ZDHHC7: variants seen among roughly 807,000 people sequenced by gnomAD.
ZDHHC7 encodes the protein palmitoyltransferase ZDHHC7.
In ZDHHC7, 12 loss-of-function variants were observed where a neutral mutation model predicts 34.1. That is an observed-to-expected ratio of 0.35 (90% CI 0.23 to 0.57). ZDHHC7 has a LOEUF of 0.57. Among genes scored for constraint, ZDHHC7 ranks in the 20% least tolerant of loss-of-function variants. ZDHHC7 has a pLI of 0.84. For missense variants in ZDHHC7, 388 were observed against 402.7 expected (o/e 0.96, Z 0.31); for synonymous variants, 185 against 155.4 (o/e 1.19, Z -1.42).
At chr16:84,994,666 C>T (rs1044728970) in intron 2 of ZDHHC7, among the ~76,000 whole-genome samples, 1 of 152,118 alleles carries the variant, frequency 6.6e-6, no homozygotes, top group Non-Finnish European at 1.5e-5. Context: ...ATGGCAGGCA[C>T]AGCTGTGTAA....
chr16:84,981,198 G>T (rs752595294), intron 4 of ZDHHC7, among the ~76,000 whole-genome samples: 3 of 152,196 alleles, frequency 2.0e-5, no homozygotes, highest in Non-Finnish European at 4.4e-5. Context: ...TGGCAAATGT[G>T]GGGGAAGAGG....
chr16:85,005,427 G>A (rs1008488496), intron 1 of ZDHHC7, among the ~76,000 whole-genome samples: 1 of 152,192 alleles, frequency 6.6e-6, no homozygotes, highest in Non-Finnish European at 1.5e-5. Flanking sequence ...TTTGTCAGGA[G>A]ATTTACACAC....
chr16:84,976,227 T>C lies in ZDHHC7; in HGVS notation c.*116A>G, dbSNP rs373790690. On this transcript the variant is annotated 3_prime_UTR_variant, in exon 8 of 8. Transcript: ENST00000313732. ...ATAAAACTCTGCTTGCTGCAAGCAA[T>C]TGGTTTGTGTAGGTTCCAGTTGCCC... 2.3e-6 allele frequency: 3 copies of C among 1,297,920 alleles called. No individual in the cohort carries two copies. Among genetic ancestry groups the C allele is most frequent in the South Asian group, 1.3e-5 (1 of 74,200 alleles). The allele number at this position is 1,297,920 out of a possible 1,614,324, so 80.4% of individuals were successfully genotyped here. A position where few individuals can be genotyped will look rare whatever the true frequency, so the allele number is the denominator to read the frequency against.
chr16:84,977,741 G>A (rs942700710), intron 6 of ZDHHC7, among the ~76,000 whole-genome samples, 183 bp downstream of exon 6: 3 of 152,146 alleles, frequency 2.0e-5, no homozygotes, highest in African/African-American at 4.8e-5. Context: ...CAAGCTTTTG[G>A]GGCAACAATA....
Position 84,981,890 on chromosome 16 carries a change from G to A in ZDHHC7, c.420C>T (p.Pro140=), listed in dbSNP as rs758626061. 2.0e-5 allele frequency: 32 copies of A among 1,613,994 alleles called. 1 individual carries two copies. The highest frequency in any genetic ancestry group is 1.6e-4 in the East Asian group (7 of 44,890). The part of the protein sequence containing the change: ...YKCPKCCCIK[P]ERAHHCSICK... ...CGTACCTGCAGTGGTGGGCGCGCTC[G>A]GGTTTAATACAGCAGCACTTGGGGC... is the stretch of plus-strand genomic sequence containing the variant. Residue 140 remains proline, a synonymous_variant, in exon 4 of 8, where the codon CCC becomes CCT. Coordinates refer to ENST00000313732, the MANE Select transcript of ZDHHC7 (RefSeq NM_017740.3).
intron 3 of ZDHHC7, among the ~76,000 whole-genome samples, chr16:84,987,483 T>C (rs2072452034): frequency 6.6e-6 from 1 of 151,840 alleles, no homozygotes; most frequent in African/African-American, 2.4e-5. Context: ...CCCCACAAGA[T>C]TTTTTTTCCA....
At chr16:85,004,373 C>T (rs1297368802) in intron 1 of ZDHHC7, among the ~76,000 whole-genome samples, 1 of 150,406 alleles carries the variant, frequency 6.6e-6, no homozygotes, top group Non-Finnish European at 1.5e-5. Flanking sequence ...AGATCACCTG[C>T]TGACCAGTCC....
chr16:85,013,762 C>A (rs887491656), upstream of ZDHHC7, among the ~76,000 whole-genome samples: 4 of 152,068 alleles, frequency 2.6e-5, no homozygotes, highest in South Asian at 2.1e-4. Context: ...GATCTCAGCT[C>A]GCTGCAACCT....
intron 2 of ZDHHC7, among the ~76,000 whole-genome samples, chr16:84,992,670 C>T (rs989925042): frequency 3.3e-5 from 5 of 152,100 alleles, no homozygotes; most frequent in Admixed American, 2.6e-4. Context: ...CGAACTGACC[C>T]GGGCACCTTC....
intron 5 of ZDHHC7, among the ~76,000 whole-genome samples, chr16:84,978,552 A>G (rs1363307494): frequency 1.3e-5 from 2 of 151,256 alleles, no homozygotes; most frequent in Non-Finnish European, 2.9e-5. Flanking sequence ...TGGGCAACAC[A>G]GCAAAACCCC....
chr16:84,977,253 C>A, intron 6 of ZDHHC7, 28 bp from the exon 7 acceptor site: 3 of 1,612,812 alleles, frequency 1.9e-6, no homozygotes, highest in Non-Finnish European at 8.5e-7. Context: ...TTGGTTATAA[C>A]TGGTCCTGAA....
At chr16:85,019,682 C>A in the ZDHHC7 span, among the ~76,000 whole-genome samples, 1 of 152,172 alleles carries the variant, frequency 6.6e-6, no homozygotes, top group Non-Finnish European at 1.5e-5. Context: ...TGTGCCTCTA[C>A]ACACCAGCCT....
the ZDHHC7 span, among the ~76,000 whole-genome samples, chr16:85,022,313 G>C: frequency 6.6e-6 from 1 of 152,030 alleles, no homozygotes; most frequent in Non-Finnish European, 1.5e-5. Context: ...TTGGGGTCAG[G>C]AGTTCGAGAC....
chr16:85,000,260 TGC>T (rs2072636570), intron 1 of ZDHHC7, among the ~76,000 whole-genome samples: 1 of 152,070 alleles, frequency 6.6e-6, no homozygotes, highest in African/African-American at 2.4e-5. Flanking sequence ...AGTGCAAGGG[TGC>T]GGCACAAGGC....
intron 1 of ZDHHC7, among the ~76,000 whole-genome samples, chr16:85,000,715 T>G (rs2143710373): frequency 6.6e-6 from 1 of 152,246 alleles, no homozygotes; most frequent in South Asian, 2.1e-4. Flanking sequence ...TCCACTCAAT[T>G]CAAACATCAG....
At chr16:85,019,452 C>T in the ZDHHC7 span, among the ~76,000 whole-genome samples, 1 of 152,170 alleles carries the variant, frequency 6.6e-6, no homozygotes, top group Non-Finnish European at 1.5e-5. Context: ...TACGGTGGCT[C>T]AGGTCTGTAA....
chr16:85,010,168 T>C (rs2072772062), intron 1 of ZDHHC7, among the ~76,000 whole-genome samples: 1 of 151,332 alleles, frequency 6.6e-6, no homozygotes, highest in African/African-American at 2.4e-5. Flanking sequence ...CTCAGGCGTG[T>C]ACCACCATAT....
rs148504712 is a variant in ZDHHC7 at position 85,002,564 on chromosome 16, C to T, written c.-103-6557G>A. Among the ~76,000 whole-genome samples the T allele has an allele frequency of 1.5e-3, 230 of 152,308 alleles. 1 individual carries two copies. Among genetic ancestry groups the T allele is most frequent in the African/African-American group, 5.3e-3 (222 of 41,560 alleles). ...AAGTGCCAGTCATCCAAACAAGGAACGCCTGAGAAAGCACCACAGCCAAGA... is the reference window on the plus strand; with the variant it reads ...AAGTGCCAGTCATCCAAACAAGGAATGCCTGAGAAAGCACCACAGCCAAGA... On this transcript the variant is annotated intron_variant, in intron 1 of 7. Transcript: ENST00000313732.
At chr16:85,020,991 G>A in the ZDHHC7 span, among the ~76,000 whole-genome samples, 1 of 152,078 alleles carries the variant, frequency 6.6e-6, no homozygotes. Context: ...TGTAGTGCCA[G>A]CTACTCAGGA....
Sources: allele counts gnomAD v4.1 joint callset (sites outside exome capture counted in the v4.1 genomes callset), GRCh38; gene constraint gnomAD v4.1.1; transcripts MANE v1.5; gene names NCBI Gene and HGNC (gene_info 2026-07-23, HGNC 2026-07-21).